Variants in B3GALT5 observed in about 807,000 individuals in gnomAD.
The protein encoded by B3GALT5 is UDP-Gal:betaGlcNAc beta 1,3-galactosyltransferase, polypeptide 5.
For synonymous variants in B3GALT5, 156 were observed against 158.6 expected, an observed-to-expected ratio of 0.98 and a Z score of 0.12; for missense variants, 328 against 396.6, an observed-to-expected ratio of 0.83 and a Z score of 1.47.
intron 2 of B3GALT5, 128 bp from the exon 3 acceptor site, chr21:39,659,625 G>T: frequency 2.6e-6 from 1 of 378,136 alleles, no homozygotes; most frequent in Non-Finnish European, 3.6e-6. Flanking sequence ...GGCTGGGATT[G>T]GGGCTCAAAT....
chr21:39,646,866 G>A (rs1259955262), intron 2 of B3GALT5, among the ~76,000 whole-genome samples: 1 of 152,058 alleles, frequency 6.6e-6, no homozygotes, highest in Non-Finnish European at 1.5e-5. Flanking sequence ...TTTGGGAGAC[G>A]GAGGTAGGTG....
chr21:39,648,591 T>G (rs1277765629), intron 2 of B3GALT5, among the ~76,000 whole-genome samples: 1 of 152,206 alleles, frequency 6.6e-6, no homozygotes, highest in Non-Finnish European at 1.5e-5. Context: ...TGGCCCTCCA[T>G]GCAGTTGAGG....
intron 2 of B3GALT5, chr21:39,657,783 A>C: frequency 6.4e-5 from 68 of 1,065,658 alleles, no homozygotes; most frequent in Non-Finnish European, 7.5e-5. Flanking sequence ...CGATCTCTCT[A>C]GAGAACCCTG....
chr21:39,639,064 C>T (rs1301056849), intron 1 of B3GALT5, among the ~76,000 whole-genome samples: 2 of 152,196 alleles, frequency 1.3e-5, no homozygotes, highest in Non-Finnish European at 2.9e-5. Context: ...TTCCCACAGC[C>T]TCGCTCCCAT....
chr21:39,621,080 C>T (rs551496436), intron 1 of B3GALT5, among the ~76,000 whole-genome samples: 2 of 152,258 alleles, frequency 1.3e-5, no homozygotes, highest in South Asian at 2.1e-4. Context: ...GCCTGGGCAA[C>T]ATAGTGAGAC....
intron 1 of B3GALT5, among the ~76,000 whole-genome samples, chr21:39,632,075 C>T (rs1039153006): frequency 6.6e-6 from 1 of 152,150 alleles, no homozygotes; most frequent in African/African-American, 2.4e-5. Context: ...AACTATTGGA[C>T]TTGTGGTTTT....
chr21:39,652,055 C>T (rs1013027722), intron 2 of B3GALT5, among the ~76,000 whole-genome samples: 6 of 152,164 alleles, frequency 3.9e-5, no homozygotes, highest in African/African-American at 1.4e-4. Flanking sequence ...AGCCTACTTC[C>T]CATAGTGAAC....
rs536325780 is a variant in B3GALT5, at chr21:39,635,265, C to T, written c.-391-11127C>T. On this transcript the variant is annotated intron_variant, in intron 1 of 3. Coordinates refer to ENST00000684187, the MANE Select transcript of B3GALT5 (RefSeq NM_001356336.2). ...GTGTGGTGAAATCCGTGGATTTTTC[C>T]CACAGCTAGAGGAAATAGGAGGTTG... Among the ~76,000 whole-genome samples, 144 of 152,030 alleles carry T rather than the reference C, an allele frequency of 9.5e-4. 3 individuals are homozygous for T. Among genetic ancestry groups the T allele is most frequent in the Middle Eastern group, 3.4e-3 (1 of 294 alleles).
At chr21:39,636,087 T>A (rs1602268079) in intron 1 of B3GALT5, among the ~76,000 whole-genome samples, 1 of 152,220 alleles carries the variant, frequency 6.6e-6, no homozygotes, top group Non-Finnish European at 1.5e-5. Context: ...AGAAGTTAAG[T>A]ACTGGAATGT....
chr21:39,656,932 G>A (rs187921296), intron 2 of B3GALT5, among the ~76,000 whole-genome samples: 2 of 152,346 alleles, frequency 1.3e-5, no homozygotes, highest in East Asian at 1.9e-4. Context: ...CAGGAGGGAT[G>A]TAAGACATAC....
chr21:39,628,347 G>A (rs1193138339), intron 1 of B3GALT5, among the ~76,000 whole-genome samples: 2 of 152,132 alleles, frequency 1.3e-5, no homozygotes, highest in Non-Finnish European at 2.9e-5. Context: ...CTTAGGGTGG[G>A]TATCCATCAC....
chr21:39,613,897 C>T (rs2079093884), intron 1 of B3GALT5, among the ~76,000 whole-genome samples: 1 of 152,214 alleles, frequency 6.6e-6, no homozygotes, highest in Non-Finnish European at 1.5e-5. Flanking sequence ...AAACTTAAGT[C>T]TTTGTTATAT....
chr21:39,660,168 G>C (rs1350766889), intron 3 of B3GALT5, among the ~76,000 whole-genome samples: 1 of 152,218 alleles, frequency 6.6e-6, no homozygotes, highest in African/African-American at 2.4e-5. Flanking sequence ...CATACATTTA[G>C]ATCTACAATG....
intron 1 of B3GALT5, among the ~76,000 whole-genome samples, chr21:39,645,770 C>A (rs1416408278): frequency 6.6e-6 from 1 of 152,126 alleles, no homozygotes; most frequent in African/African-American, 2.4e-5. Flanking sequence ...ACACCACACC[C>A]CAAGGGCAGG....
Position 39,660,796 on chromosome 21 carries a change from G to A in B3GALT5, c.237G>A (p.Thr79=), listed in dbSNP as rs149954009. The A allele has an allele frequency of 2.0e-5, 32 of 1,580,594 alleles. No individual in the cohort carries two copies. Among genetic ancestry groups the A allele is most frequent in the South Asian group, 9.5e-5 (8 of 84,520 alleles). The change falls in exon 4 of 4, where the codon ACG becomes ACA. Residue 79 remains threonine (T), a synonymous_variant. Transcript: ENST00000684187. ...CTGAGCGCATGGCCATCCGGCAGAC[G>A]TGGGGGAAAGAGAGGATGGTGAAGG... is the stretch of plus-strand genomic sequence containing the variant. ...QLAERMAIRQ[T]WGKERMVKGK...
rs150040571 is a variant in B3GALT5 at position 39,629,900 on chromosome 21, A to T, written c.-391-16492A>T. On this transcript the variant is annotated intron_variant, in intron 1 of 3. Transcript: ENST00000684187. Reference sequence around the variant, plus strand: ...GATGTGCAGAAGCACATATAGTTATAATACCAGTAATGCTGGTTTAAAATG... The same window carrying T: ...GATGTGCAGAAGCACATATAGTTATTATACCAGTAATGCTGGTTTAAAATG... Among the ~76,000 whole-genome samples the T allele has an allele frequency of 8.6e-3, 1,305 of 152,364 alleles. 6 individuals carry two copies. Among genetic ancestry groups the T allele is most frequent in the African/African-American group, 0.014 (592 of 41,582 alleles).
rs147504623 is a variant in B3GALT5 at position 39,639,223 on chromosome 21, G to T, written c.-391-7169G>T. 1.9e-3 allele frequency among the ~76,000 whole-genome samples: 294 copies of T among 152,290 alleles called. 4 individuals carry two copies. The East Asian group carries it at 0.023, about 12-fold the overall frequency. ...TCACCTGACTTTGCCTAGCATGAAAGATAAGTTGTAACATGTTCCAGAATT... is the reference window on the plus strand; with the variant it reads ...TCACCTGACTTTGCCTAGCATGAAATATAAGTTGTAACATGTTCCAGAATT... On this transcript the variant is annotated intron_variant, in intron 1 of 3. Transcript: ENST00000684187.
intron 1 of B3GALT5, among the ~76,000 whole-genome samples, chr21:39,630,008 T>C (rs1464764911): frequency 6.6e-6 from 1 of 152,226 alleles, no homozygotes; most frequent in Non-Finnish European, 1.5e-5. Flanking sequence ...ATTTTGAAAA[T>C]TTAAATAGAA....
chr21:39,643,558 T>G (rs1180563452), intron 1 of B3GALT5, among the ~76,000 whole-genome samples: 1 of 152,234 alleles, frequency 6.6e-6, no homozygotes, highest in African/African-American at 2.4e-5. Flanking sequence ...GGAGAACAAT[T>G]GAGCTTTTTC....
Sources: gnomAD v4.1 joint callset for allele counts (sites outside exome capture counted in the v4.1 genomes callset) on GRCh38, gnomAD v4.1.1 for gene constraint, MANE v1.5 for transcripts, NCBI Gene and HGNC (gene_info 2026-07-23, HGNC 2026-07-21) for gene names.